Variants in GALNTL6 observed in about 807,000 individuals in gnomAD.
GALNTL6 encodes the protein polypeptide N-acetylgalactosaminyltransferase like 6, also known as polypeptide N-acetylgalactosaminyltransferase-like 6.
Under a neutral mutation model 73.7 loss-of-function variants are expected in GALNTL6, and 46 were observed. The ratio of observed to expected loss-of-function variants is 0.62; its 90% CI spans 0.49 to 0.80. The LOEUF is 0.80. GALNTL6 is among the 30% of genes least tolerant of loss of function. The probability of loss-of-function intolerance (pLI) is 0.00; values close to 1 mark genes in which losing one functional copy is unlikely to be tolerated. For synonymous variants in GALNTL6, 259 were observed against 263.7 expected (o/e 0.98, Z 0.17); for missense variants, 604 against 755.0 (o/e 0.80, Z 2.34).
chr4:172,493,275 A>G (rs1205845239), intron 5 of GALNTL6, among the ~76,000 whole-genome samples: 1 of 152,184 alleles, frequency 6.6e-6, no homozygotes, highest in African/African-American at 2.4e-5. Flanking sequence ...ACTCAAATGT[A>G]AATAATATTT....
intron 2 of GALNTL6, among the ~76,000 whole-genome samples, chr4:171,991,821 GT>G (rs1740346633): frequency 6.8e-6 from 1 of 147,016 alleles, no homozygotes; most frequent in Non-Finnish European, 1.5e-5. Flanking sequence ...TGCTACTATG[GT>G]TATATTTTTA....
intron 5 of GALNTL6, among the ~76,000 whole-genome samples, chr4:172,755,933 A>G (rs1376589825): frequency 2.0e-5 from 3 of 152,238 alleles, no homozygotes; most frequent in Non-Finnish European, 4.4e-5. Context: ...GTATTAAATG[A>G]TGAGAGATAC....
At chr4:172,039,129 A>G (rs369217751) in intron 2 of GALNTL6, among the ~76,000 whole-genome samples, 2 of 152,312 alleles carry the variant, frequency 1.3e-5, no homozygotes, top group East Asian at 1.9e-4. Flanking sequence ...CTAATTTTGC[A>G]TAATATCATT....
chr4:172,933,290 A>G (rs1438304344), intron 9 of GALNTL6, among the ~76,000 whole-genome samples: 1 of 152,102 alleles, frequency 6.6e-6, no homozygotes, highest in Non-Finnish European at 1.5e-5. Flanking sequence ...ATGGGTGTGT[A>G]TGCTTGCTTC....
intron 7 of GALNTL6, among the ~76,000 whole-genome samples, chr4:172,870,198 C>CTA (rs1476604253): frequency 3.3e-5 from 5 of 152,030 alleles, no homozygotes; most frequent in Non-Finnish European, 5.9e-5. Context: ...CAAAAACAGC[C>CTA]TACTATTTGA....
chr4:172,098,880 A>C, intron 2 of GALNTL6, among the ~76,000 whole-genome samples: 1 of 152,264 alleles, frequency 6.6e-6, no homozygotes, highest in Non-Finnish European at 1.5e-5. Context: ...CCACCCCCAA[A>C]CAAATTATCG....
chr4:171,954,838 A>T (rs551352300), intron 2 of GALNTL6, among the ~76,000 whole-genome samples: 14 of 152,104 alleles, frequency 9.2e-5, no homozygotes, highest in Admixed American at 7.2e-4. Flanking sequence ...GTTGTTTAAA[A>T]GTGTGCAGCA....
chr4:171,964,530 G>A (rs1739327205), intron 2 of GALNTL6, among the ~76,000 whole-genome samples: 1 of 151,906 alleles, frequency 6.6e-6, no homozygotes, highest in Non-Finnish European at 1.5e-5. Context: ...TTCATTATAT[G>A]GCTCCAGCCT....
intron 5 of GALNTL6, among the ~76,000 whole-genome samples, chr4:172,604,520 C>T (rs975463284): frequency 1.3e-5 from 2 of 152,064 alleles, no homozygotes; most frequent in Admixed American, 6.6e-5. Context: ...AAATTATGTT[C>T]TGTATAAAAT....
At chr4:172,496,183 C>T (rs1041374735) in intron 5 of GALNTL6, among the ~76,000 whole-genome samples, 1 of 152,108 alleles carries the variant, frequency 6.6e-6, no homozygotes, top group Non-Finnish European at 1.5e-5. Context: ...TCCAAATATT[C>T]TGTACTCCCA....
chr4:172,817,421 C>T (rs1036713375), intron 7 of GALNTL6, among the ~76,000 whole-genome samples: 3 of 140,304 alleles, frequency 2.1e-5, no homozygotes, highest in African/African-American at 7.9e-5. Flanking sequence ...GACCCTATTG[C>T]AAAAAAAAAA....
At position 172,069,580 on chromosome 4, in the gene GALNTL6, A is replaced by ATG. The variant is rs1731480913; in HGVS notation, c.139-160075_139-160074insGT. 1.5e-4 allele frequency among the ~76,000 whole-genome samples: 5 copies of ATG among 32,346 alleles called. 2 individuals are homozygous for ATG. Among genetic ancestry groups the ATG allele is most frequent in the Non-Finnish European group, 2.9e-4 (3 of 10,424 alleles). The allele number at this position is 32,346 out of a possible 152,430, so 21.2% of individuals were successfully genotyped here. A position where few individuals can be genotyped will look rare whatever the true frequency, so the allele number is the denominator to read the frequency against. Reference sequence around the variant, plus strand: ...GTTATATATAACACATATATGTTATATATTATATATATAACACATATATGT... The same window carrying ATG: ...GTTATATATAACACATATATGTTATATGTATTATATATATAACACATATATGT... On this transcript the variant is annotated intron_variant, in intron 2 of 12. Transcript: ENST00000506823.
At chr4:173,020,367 G>A (rs1482353897) in intron 11 of GALNTL6, among the ~76,000 whole-genome samples, 1 of 152,118 alleles carries the variant, frequency 6.6e-6, no homozygotes, top group East Asian at 1.9e-4. Context: ...TAATAGAATG[G>A]GATACATAAT....
chr4:173,023,141 C>T (rs753111582), intron 12 of GALNTL6, among the ~76,000 whole-genome samples: 3 of 152,148 alleles, frequency 2.0e-5, no homozygotes, highest in Non-Finnish European at 4.4e-5. Flanking sequence ...CCCCAAATTA[C>T]AGAAAGCTAA....
rs57591714 is a variant in GALNTL6, at chr4:172,774,959, CAATAATAATAAT to C, written c.554-34369_554-34358del. 2.8e-3 allele frequency among the ~76,000 whole-genome samples: 398 copies of C among 140,624 alleles called. 2 individuals carry two copies. The highest frequency in any genetic ancestry group is 0.01 in the East Asian group (52 of 4,970). 92.3% of individuals were successfully genotyped at this position (140,624 alleles called of 152,430 possible). On this transcript the variant is annotated intron_variant, in intron 5 of 12. Transcript: ENST00000506823. ...TGGGTGACAGAGCGAGGCTCCATCTCAATAATAATAATAATAATAATAATAATAATAATAATA... is the reference window on the plus strand; with the variant it reads ...TGGGTGACAGAGCGAGGCTCCATCTCAATAATAATAATAATAATAATAATA...
chr4:171,860,492 T>C (rs1735803979), intron 2 of GALNTL6, among the ~76,000 whole-genome samples: 1 of 152,210 alleles, frequency 6.6e-6, no homozygotes, highest in Admixed American at 6.5e-5. Flanking sequence ...CTCCTCTAGA[T>C]TGCTCATTGT....
At chr4:172,359,785 T>A (rs995043249) in intron 5 of GALNTL6, among the ~76,000 whole-genome samples, 4 of 152,164 alleles carry the variant, frequency 2.6e-5, no homozygotes, top group Non-Finnish European at 4.4e-5. Context: ...CCAATCAGCC[T>A]ATCCATCTAC....
intron 2 of GALNTL6, among the ~76,000 whole-genome samples, chr4:172,031,415 C>A (rs1015839048): frequency 5.3e-5 from 8 of 152,046 alleles, no homozygotes; most frequent in Non-Finnish European, 1.2e-4. Flanking sequence ...ACAAGACGTG[C>A]TCCTTAAAAA....
At chr4:172,130,326 A>G (rs200735574) in intron 2 of GALNTL6, among the ~76,000 whole-genome samples, 1 of 151,718 alleles carries the variant, frequency 6.6e-6, no homozygotes, top group Admixed American at 6.6e-5. Flanking sequence ...GTTTAATATA[A>G]TTACTTTATT....
Sources: gnomAD v4.1 joint callset for allele counts (sites outside exome capture counted in the v4.1 genomes callset) on GRCh38, gnomAD v4.1.1 for gene constraint, MANE v1.5 for transcripts, NCBI Gene and HGNC (gene_info 2026-07-23, HGNC 2026-07-21) for gene names.